The following MAGI3 variants were observed in gnomAD, a reference collection of about 807,000 sequenced individuals.
MAGI3 encodes membrane associated guanylate kinase, WW and PDZ domain containing 3, also known as membrane-associated guanylate kinase, WW and PDZ domain-containing protein 3.
Under a neutral mutation model 121.8 loss-of-function variants are expected in MAGI3, and 43 were observed. That is an observed-to-expected ratio of 0.35 (90% CI 0.28 to 0.46). The LOEUF is 0.46. Among genes scored for constraint, MAGI3 ranks in the 20% least tolerant of loss-of-function variants. MAGI3 has a pLI of 1.00. For synonymous variants in MAGI3, 553 were observed against 639.3 expected (o/e 0.86, Z 2.04); for missense variants, 1,547 against 1,797.3 (o/e 0.86, Z 2.52).
intron 1 of MAGI3, among the ~76,000 whole-genome samples, chr1:113,436,610 G>A (rs111328674): frequency 6.6e-6 from 1 of 152,154 alleles, no homozygotes; most frequent in Non-Finnish European, 1.5e-5. Context: ...ATTGAGCTGG[G>A]TAATGTTAAT....
chr1:113,616,339 AT>A (rs1331354764), intron 7 of MAGI3, among the ~76,000 whole-genome samples: 1 of 152,218 alleles, frequency 6.6e-6, no homozygotes, highest in Non-Finnish European at 1.5e-5. Flanking sequence ...GCACATTAGT[AT>A]GGAGTCAGCT....
chr1:113,554,827 T>A (rs1331038452), intron 2 of MAGI3, among the ~76,000 whole-genome samples: 1 of 151,734 alleles, frequency 6.6e-6, no homozygotes, highest in African/African-American at 2.4e-5. Flanking sequence ...AAAAAACCAT[T>A]GATAAAAAGA....
At chr1:113,631,105 A>T (rs570578569) in intron 9 of MAGI3, among the ~76,000 whole-genome samples, 1 of 152,216 alleles carries the variant, frequency 6.6e-6, no homozygotes, top group Admixed American at 6.5e-5. Flanking sequence ...GTGACAGGGG[A>T]GCACTGAGTT....
At chr1:113,437,766 TCTTCTTC>T (rs1385306421) in intron 1 of MAGI3, among the ~76,000 whole-genome samples, 1 of 150,712 alleles carries the variant, frequency 6.6e-6, no homozygotes, top group African/African-American at 2.5e-5. Context: ...CATTTTTCTT[TCTTCTTC>T]CTTCTTTCTT....
intron 5 of MAGI3, among the ~76,000 whole-genome samples, chr1:113,591,406 A>G (rs1454466808): frequency 6.6e-6 from 1 of 152,156 alleles, no homozygotes; most frequent in African/African-American, 2.4e-5. Flanking sequence ...CAATTAAATA[A>G]CGGTTAAAAT....
chr1:113,509,342 T>C (rs1204451665), intron 1 of MAGI3, among the ~76,000 whole-genome samples: 1 of 151,412 alleles, frequency 6.6e-6, no homozygotes, highest in Non-Finnish European at 1.5e-5. Flanking sequence ...TGAATACTAT[T>C]CAATTATCTT....
intron 6 of MAGI3, among the ~76,000 whole-genome samples, chr1:113,609,968 A>G (rs1650020931): frequency 6.6e-6 from 1 of 152,044 alleles, no homozygotes; most frequent in Admixed American, 6.6e-5. Flanking sequence ...GTTTTAAGTC[A>G]TCTATTCTTA....
At chr1:113,460,365 A>T (rs1654968788) in intron 1 of MAGI3, among the ~76,000 whole-genome samples, 1 of 152,182 alleles carries the variant, frequency 6.6e-6, no homozygotes, top group South Asian at 2.1e-4. Flanking sequence ...CCGGCATGAG[A>T]CAAGGATGTC....
At chr1:113,505,613 A>G (rs1657289180) in intron 1 of MAGI3, among the ~76,000 whole-genome samples, 1 of 152,006 alleles carries the variant, frequency 6.6e-6, no homozygotes, top group South Asian at 2.1e-4. Context: ...AACGGATAAT[A>G]AGGGACAGAG....
At chr1:113,479,710 T>C (rs1205756895) in intron 1 of MAGI3, among the ~76,000 whole-genome samples, 1 of 152,196 alleles carries the variant, frequency 6.6e-6, no homozygotes, top group African/African-American at 2.4e-5. Context: ...CTTTCTCTTT[T>C]ATTTCTGTAA....
intron 6 of MAGI3, among the ~76,000 whole-genome samples, chr1:113,604,854 C>G (rs950999615): frequency 1.3e-5 from 2 of 151,322 alleles, no homozygotes; most frequent in Admixed American, 6.6e-5. Flanking sequence ...GGGATAAAAA[C>G]TACATATTGG....
chr1:113,645,617 T>G (rs1054128137), intron 11 of MAGI3, among the ~76,000 whole-genome samples: 1 of 152,144 alleles, frequency 6.6e-6, no homozygotes, highest in Non-Finnish European at 1.5e-5. Context: ...TGCCTTCTCA[T>G]TGGGTCTGGG....
intron 1 of MAGI3, among the ~76,000 whole-genome samples, chr1:113,520,031 C>G (rs1482899868): frequency 6.6e-6 from 1 of 152,066 alleles, no homozygotes; most frequent in African/African-American, 2.4e-5. Context: ...TAAAGTTTGT[C>G]TATCATAATT....
chr1:113,514,641 G>T (rs1290600420), intron 1 of MAGI3, among the ~76,000 whole-genome samples: 2 of 152,054 alleles, frequency 1.3e-5, no homozygotes, highest in African/African-American at 2.4e-5. Flanking sequence ...GTGGGGGAGG[G>T]GGAGGGATAG....
intron 1 of MAGI3, among the ~76,000 whole-genome samples, chr1:113,481,031 A>G (rs973780979): frequency 6.6e-6 from 1 of 152,250 alleles, no homozygotes; most frequent in African/African-American, 2.4e-5. Flanking sequence ...GAAAGCCTAC[A>G]GATTCCTGTT....
rs1557729929 is a variant in MAGI3 at position 113,390,737 on chromosome 1, C to A, written c.-297C>A. 1 of 169,122 alleles carries A rather than the reference C, an allele frequency of 5.9e-6. No homozygotes were observed. Among genetic ancestry groups the A allele is most frequent in the Non-Finnish European group, 1.3e-5 (1 of 78,880 alleles). The allele number at this position is 169,122 out of a possible 1,614,324, so 10.5% of individuals were successfully genotyped here. A position where few individuals can be genotyped will look rare whatever the true frequency, so the allele number is the denominator to read the frequency against. Reference sequence around the variant, plus strand: ...CGGCGGCAGTGACCCCGCCCGAAGCCCCTTCTGGAACCTCCTGGGGACAAT... The same window carrying A: ...CGGCGGCAGTGACCCCGCCCGAAGCACCTTCTGGAACCTCCTGGGGACAAT... On this transcript the variant is annotated 5_prime_UTR_variant, in exon 1 of 21. Transcript: ENST00000307546.
chr1:113,441,957 T>C (rs566178942), intron 1 of MAGI3, among the ~76,000 whole-genome samples: 3 of 152,348 alleles, frequency 2.0e-5, no homozygotes, highest in South Asian at 2.1e-4. Context: ...GATTATTGCA[T>C]GATTTCATTC....
intron 1 of MAGI3, among the ~76,000 whole-genome samples, chr1:113,487,002 C>T (rs1026045923): frequency 6.6e-6 from 1 of 152,102 alleles, no homozygotes; most frequent in Non-Finnish European, 1.5e-5. Context: ...TCAGCCACTG[C>T]CCCCAGCCTA....
chr1:113,667,035 C>G (rs1231871234), intron 16 of MAGI3, among the ~76,000 whole-genome samples: 1 of 152,168 alleles, frequency 6.6e-6, no homozygotes, highest in Non-Finnish European at 1.5e-5. Context: ...GATGTGCTGT[C>G]ATCCAGGCTT....
Sources: allele counts gnomAD v4.1 joint callset (sites outside exome capture counted in the v4.1 genomes callset), GRCh38; gene constraint gnomAD v4.1.1; transcripts MANE v1.5; gene names NCBI Gene and HGNC (gene_info 2026-07-23, HGNC 2026-07-21).